The following UBAC2 variants were observed in gnomAD, a reference collection of about 807,000 sequenced individuals.
UBAC2 encodes the protein ubiquitin-associated domain-containing protein 2.
A neutral mutation model predicts 44.0 loss-of-function variants in UBAC2; 26 were observed. That is an observed-to-expected ratio of 0.59 (90% CI 0.43 to 0.82). UBAC2 has a LOEUF of 0.82. UBAC2 is among the 40% of genes least tolerant of loss of function. UBAC2 has a pLI of 0.00. For synonymous variants in UBAC2, 155 were observed against 154.3 expected, an observed-to-expected ratio of 1.00 and a Z score of -0.04; for missense variants, 329 against 419.4, an observed-to-expected ratio of 0.78 and a Z score of 1.88.
intron 7 of UBAC2, among the ~76,000 whole-genome samples, chr13:99,342,926 C>T (rs967608601): frequency 1.4e-4 from 22 of 152,338 alleles, no homozygotes; most frequent in African/African-American, 5.1e-4. Context: ...ATCATGCAGC[C>T]GTTTCTTTCA....
intron 1 of UBAC2, 34 bp from the exon 2 acceptor site, chr13:99,238,393 A>T (rs370794732): frequency 4.4e-6 from 7 of 1,605,152 alleles, no homozygotes; most frequent in Non-Finnish European, 6.0e-6. Context: ...CTTAGGAACA[A>T]TCATTCTGAA....
chr13:99,333,023 AG>A (rs1473954531), intron 6 of UBAC2, among the ~76,000 whole-genome samples: 1 of 152,222 alleles, frequency 6.6e-6, no homozygotes, highest in Non-Finnish European at 1.5e-5. Flanking sequence ...GCACTTGGGG[AG>A]GCCAAGATGG....
intron 6 of UBAC2, among the ~76,000 whole-genome samples, chr13:99,334,240 C>A (rs571704282): frequency 6.6e-6 from 1 of 152,118 alleles, no homozygotes; most frequent in South Asian, 2.1e-4. Flanking sequence ...GGATTACAGG[C>A]GTGAGCACAG....
At chr13:99,288,090 T>C (rs1294823781) in intron 4 of UBAC2, among the ~76,000 whole-genome samples, 2 of 152,188 alleles carry the variant, frequency 1.3e-5, no homozygotes, top group East Asian at 1.9e-4. Context: ...TAAGAACGTA[T>C]CAAAATGTTA....
At chr13:99,329,325 A>G (rs187143498) in intron 6 of UBAC2, among the ~76,000 whole-genome samples, 43 of 152,344 alleles carry the variant, frequency 2.8e-4, no homozygotes, top group Admixed American at 2.3e-3. Flanking sequence ...TTTCTTCAAA[A>G]AAAGGGGAAA....
At chr13:99,258,523 T>G (rs752784594) in intron 4 of UBAC2, 3 of 152,240 alleles carry the variant, frequency 2.0e-5, no homozygotes, top group Non-Finnish European at 4.4e-5. Flanking sequence ...ATATTTAAGA[T>G]AATTATATAC....
intron 4 of UBAC2, among the ~76,000 whole-genome samples, chr13:99,277,481 C>T (rs1238309419): frequency 2.0e-5 from 3 of 152,164 alleles, no homozygotes; most frequent in Admixed American, 6.5e-5. Flanking sequence ...GCCGAGATCA[C>T]ACCATTGTAC....
chr13:99,277,525 CA>C (rs1407210984), intron 4 of UBAC2, among the ~76,000 whole-genome samples: 1 of 151,912 alleles, frequency 6.6e-6, no homozygotes, highest in East Asian at 1.9e-4. Flanking sequence ...AACTCCATCT[CA>C]AAAAATAAAT....
At position 99,347,322 on chromosome 13, in the gene UBAC2, C is replaced by G. The variant is rs867513537; in HGVS notation, c.807+6757C>G. On this transcript the variant is annotated intron_variant, in intron 7 of 8. Transcript: ENST00000403766. ...TCAGACGTTACTATCCCCGGGCGCC[C>G]CCCCCCCCCCCCAGGAAAAAAAAGG... is the stretch of plus-strand genomic sequence containing the variant. 7.8e-3 allele frequency among the ~76,000 whole-genome samples: 183 copies of G among 23,470 alleles called. 2 individuals carry two copies. The highest frequency in any genetic ancestry group is 0.022 in the East Asian group (12 of 548). 15.4% of individuals were successfully genotyped at this position (23,470 alleles called of 152,430 possible).
intron 5 of UBAC2, among the ~76,000 whole-genome samples, chr13:99,316,183 C>T (rs1034817926): frequency 2.6e-5 from 4 of 151,984 alleles, no homozygotes; most frequent in Non-Finnish European, 4.4e-5. Flanking sequence ...GTGGAGATGC[C>T]TCATTGCCTC....
At chr13:99,228,176 A>T (rs1487877449) in intron 1 of UBAC2, among the ~76,000 whole-genome samples, 1 of 151,824 alleles carries the variant, frequency 6.6e-6, no homozygotes, top group African/African-American at 2.4e-5. Flanking sequence ...CACTTACATC[A>T]CCCCTGCTCC....
intron 4 of UBAC2, among the ~76,000 whole-genome samples, chr13:99,312,312 A>G (rs1300387354): frequency 1.3e-5 from 2 of 152,204 alleles, no homozygotes; most frequent in Non-Finnish European, 2.9e-5. Flanking sequence ...CGTGATAATG[A>G]AATAATTCTT....
At position 99,385,260 on chromosome 13, in the gene UBAC2, A is replaced by G; in HGVS notation, c.960A>G (p.Arg320=). Residue 320 remains arginine, a synonymous_variant, in exon 9 of 9, where the codon AGA becomes AGG. Transcript: ENST00000403766. The part of the protein sequence containing the change: ...VARLMEMGFS[R]GDALEALRAS... ...GGCTCATGGAGATGGGATTTTCCAG[A>G]GGTGATGCTTTGGAAGCCCTGAGAG... The G allele has an allele frequency of 6.2e-7, 1 of 1,614,152 alleles. No individual in the cohort carries two copies. Among genetic ancestry groups the G allele is most frequent in the East Asian group, 2.2e-5 (1 of 44,886 alleles).
At chr13:99,257,671 C>T (rs1566472622) in intron 4 of UBAC2, among the ~76,000 whole-genome samples, 1 of 152,048 alleles carries the variant, frequency 6.6e-6, no homozygotes. Context: ...TTTTTAAAAG[C>T]TATAGATACC....
At chr13:99,258,148 GC>G (rs2043600359) in intron 4 of UBAC2, 1 of 152,174 alleles carries the variant, frequency 6.6e-6, no homozygotes, top group African/African-American at 2.4e-5. Context: ...ATTAAATGCT[GC>G]TTACCTCCTG....
At chr13:99,319,417 AT>A (rs1476400205) in intron 6 of UBAC2, among the ~76,000 whole-genome samples, 1 of 152,168 alleles carries the variant, frequency 6.6e-6, no homozygotes, top group Non-Finnish European at 1.5e-5. Flanking sequence ...AATTATCACT[AT>A]CCTTGTTTCT....
chr13:99,345,590 T>G (rs1354142253), intron 7 of UBAC2, among the ~76,000 whole-genome samples: 1 of 152,132 alleles, frequency 6.6e-6, no homozygotes, highest in East Asian at 1.9e-4. Flanking sequence ...CACCACTTTA[T>G]TGAGCTCATG....
intron 8 of UBAC2, among the ~76,000 whole-genome samples, chr13:99,383,413 T>A (rs891373257): frequency 6.6e-6 from 1 of 152,240 alleles, no homozygotes; most frequent in Non-Finnish European, 1.5e-5. Context: ...TTGTTTTTTT[T>A]ATCTACGACA....
intron 3 of UBAC2, 138 bp from the exon 4 acceptor site, chr13:99,244,377 A>G (rs1261165724): frequency 1.8e-6 from 1 of 564,166 alleles, no homozygotes; most frequent in Non-Finnish European, 3.1e-6. Context: ...AAATATATAT[A>G]CACACATATG....
Sources: allele counts gnomAD v4.1 joint callset (sites outside exome capture counted in the v4.1 genomes callset), GRCh38; gene constraint gnomAD v4.1.1; transcripts MANE v1.5; gene names NCBI Gene and HGNC (gene_info 2026-07-23, HGNC 2026-07-21).